PDE4D: variants seen among roughly 807,000 people sequenced by gnomAD.
The protein encoded by PDE4D is 3',5'-cyclic-AMP phosphodiesterase 4D.
In PDE4D, 24 loss-of-function variants were observed where a neutral mutation model predicts 87.4. The ratio of observed to expected loss-of-function variants is 0.27; its 90% CI spans 0.20 to 0.39. The LOEUF (loss-of-function observed/expected upper bound fraction) is 0.39. Ranked by LOEUF, PDE4D falls within the 10% of genes least tolerant of loss-of-function variation. The pLI is 1.00. For synonymous variants in PDE4D, 384 were observed against 383.2 expected, an observed-to-expected ratio of 1.00 and a Z score of -0.02; for missense variants, 714 against 1,041.0, an observed-to-expected ratio of 0.69 and a Z score of 4.32.
intron 1 of PDE4D, among the ~76,000 whole-genome samples, chr5:59,807,609 T>C (rs537725381): frequency 1.1e-4 from 17 of 152,204 alleles, no homozygotes; most frequent in African/African-American, 4.1e-4. Flanking sequence ...AATTGCTGAA[T>C]TGGAATCCGG....
At chr5:59,108,276 T>C in intron 5 of PDE4D, among the ~76,000 whole-genome samples, 1 of 152,208 alleles carries the variant, frequency 6.6e-6, no homozygotes, top group East Asian at 1.9e-4. Flanking sequence ...AATTTTATTA[T>C]TTTGTATCCT....
intron 5 of PDE4D, among the ~76,000 whole-genome samples, chr5:59,077,479 T>TG (rs1765902711): frequency 6.7e-6 from 1 of 148,256 alleles, no homozygotes; most frequent in African/African-American, 2.5e-5. Context: ...TTTCTTCTTT[T>TG]TTTTTTTTTT....
chr5:60,057,983 C>T (rs1243825619), intron 2 of PDE4D, among the ~76,000 whole-genome samples: 1 of 151,934 alleles, frequency 6.6e-6, no homozygotes, highest in African/African-American at 2.4e-5. Flanking sequence ...GATAGATTCT[C>T]TAAATCTTCT....
chr5:59,105,084 A>G (rs919217906), intron 5 of PDE4D, among the ~76,000 whole-genome samples: 2 of 152,246 alleles, frequency 1.3e-5, no homozygotes, highest in African/African-American at 4.8e-5. Flanking sequence ...ACTGTGCCAC[A>G]TCAAACGCAC....
intron 1 of PDE4D, among the ~76,000 whole-genome samples, chr5:60,428,753 A>C: frequency 6.6e-6 from 1 of 152,210 alleles, no homozygotes; most frequent in East Asian, 1.9e-4. Context: ...GACAGCACAA[A>C]CCATAAATAT....
chr5:59,592,402 A>G (rs1826039523), intron 1 of PDE4D, among the ~76,000 whole-genome samples: 1 of 152,210 alleles, frequency 6.6e-6, no homozygotes, highest in African/African-American at 2.4e-5. Context: ...AGTAGCTACT[A>G]CATTCAATTT....
chr5:59,744,438 C>T (rs1171401347), intron 1 of PDE4D, among the ~76,000 whole-genome samples: 1 of 152,120 alleles, frequency 6.6e-6, no homozygotes, highest in African/African-American at 2.4e-5. Flanking sequence ...TATTGCTGAG[C>T]ATCACAGTAA....
intron 1 of PDE4D, among the ~76,000 whole-genome samples, chr5:59,475,994 T>A (rs969586357): frequency 1.4e-4 from 22 of 152,100 alleles, no homozygotes; most frequent in African/African-American, 4.8e-4. Flanking sequence ...TTTCCAAGCA[T>A]GTCACTCAAA....
intron 1 of PDE4D, among the ~76,000 whole-genome samples, chr5:59,734,835 G>A (rs918774975): frequency 6.6e-6 from 1 of 152,130 alleles, no homozygotes; most frequent in South Asian, 2.1e-4. Flanking sequence ...GTCCAGTCAC[G>A]TGCAAAGGCT....
At chr5:60,294,621 A>G (rs1199324949) in intron 1 of PDE4D, among the ~76,000 whole-genome samples, 1 of 151,934 alleles carries the variant, frequency 6.6e-6, no homozygotes, top group Non-Finnish European at 1.5e-5. Context: ...AAGCCTCTCC[A>G]TTCCTTTATT....
chr5:60,133,577 G>A (rs538989413), intron 2 of PDE4D, among the ~76,000 whole-genome samples: 58 of 152,070 alleles, frequency 3.8e-4, no homozygotes, highest in African/African-American at 1.4e-3. Flanking sequence ...TGCAAAAATT[G>A]CTCCTAACCC....
intron 1 of PDE4D, among the ~76,000 whole-genome samples, chr5:59,403,793 C>A (rs1487901239): frequency 6.6e-6 from 1 of 151,982 alleles, no homozygotes. Flanking sequence ...TATTGATTTC[C>A]TTTCTTTTGG....
At chr5:59,651,074 T>G (rs1164822870) in intron 1 of PDE4D, among the ~76,000 whole-genome samples, 3 of 151,778 alleles carry the variant, frequency 2.0e-5, no homozygotes, top group African/African-American at 7.3e-5. Context: ...GCCAACATAG[T>G]GAAACCCCAT....
intron 2 of PDE4D, among the ~76,000 whole-genome samples, chr5:60,034,401 C>G (rs960795537): frequency 6.6e-6 from 1 of 152,202 alleles, no homozygotes; most frequent in East Asian, 1.9e-4. Flanking sequence ...CTTTCTTCTT[C>G]CAGCTTCTAG....
chr5:60,073,492 GT>G (rs70975364), intron 2 of PDE4D, among the ~76,000 whole-genome samples: 8,424 of 141,824 alleles, frequency 0.059, 262 homozygotes, highest in Middle Eastern at 0.091. Flanking sequence ...TTTGCCAGGT[GT>G]TTTTTTTTTT....
chr5:59,914,034 C>T (rs561522541), intron 3 of PDE4D, among the ~76,000 whole-genome samples: 2 of 152,010 alleles, frequency 1.3e-5, no homozygotes, highest in Non-Finnish European at 2.9e-5. Context: ...AGAATATGTA[C>T]ATTTCTCTAC....
chr5:59,357,617 C>A (rs1781595594), intron 1 of PDE4D, among the ~76,000 whole-genome samples: 1 of 152,168 alleles, frequency 6.6e-6, no homozygotes, highest in Non-Finnish European at 1.5e-5. Context: ...ATTATCTTGT[C>A]CATTTTCTAT....
chr5:59,335,477 A>T (rs949266072), intron 1 of PDE4D, among the ~76,000 whole-genome samples: 7 of 152,166 alleles, frequency 4.6e-5, no homozygotes, highest in African/African-American at 1.4e-4. Flanking sequence ...CTAAAAATAC[A>T]TAGTTTTTGC....
chr5:60,140,095 G>C (rs1780399719), intron 2 of PDE4D, among the ~76,000 whole-genome samples: 1 of 151,674 alleles, frequency 6.6e-6, no homozygotes, highest in Non-Finnish European at 1.5e-5. Context: ...TATTGTTTTG[G>C]TCCTGTAATT....
Sources: gnomAD v4.1 joint callset for allele counts (sites outside exome capture counted in the v4.1 genomes callset) on GRCh38, gnomAD v4.1.1 for gene constraint, MANE v1.5 for transcripts, NCBI Gene and HGNC (gene_info 2026-07-23, HGNC 2026-07-21) for gene names.